The following VPS13D variants were observed in gnomAD, a reference collection of about 807,000 sequenced individuals.
VPS13D encodes the protein intermembrane lipid transfer protein VPS13D.
In VPS13D, 187 loss-of-function variants were observed where a neutral mutation model predicts 461.9. The ratio of observed to expected loss-of-function variants is 0.40; its 90% CI spans 0.36 to 0.46. VPS13D has a LOEUF of 0.46. Ranked by LOEUF, VPS13D falls within the 20% of genes least tolerant of loss-of-function variation. The probability of loss-of-function intolerance (pLI) is 0.60; values close to 1 mark genes in which losing one functional copy is unlikely to be tolerated. For synonymous variants in VPS13D, 1,951 were observed against 1,986.3 expected (o/e 0.98, Z 0.47); for missense variants, 4,711 against 5,364.9 (o/e 0.88, Z 3.81).
chr1:12,269,631 T>G (rs902705008), intron 16 of VPS13D, among the ~76,000 whole-genome samples: 34 of 152,252 alleles, frequency 2.2e-4, no homozygotes, highest in African/African-American at 8.0e-4. Flanking sequence ...ATGTAATCAC[T>G]GATTTATTTA....
chr1:12,489,510 T>C (rs1645847204), intron 67 of VPS13D, among the ~76,000 whole-genome samples: 1 of 152,202 alleles, frequency 6.6e-6, no homozygotes, highest in South Asian at 2.1e-4. Flanking sequence ...GTTATGCATG[T>C]ATGACTTGAG....
At position 12,383,107 on chromosome 1, in the gene VPS13D, A is replaced by G. The variant is rs1188687689; in HGVS notation, c.11322A>G (p.Gly3774=). The G allele has an allele frequency of 6.2e-7, 1 of 1,614,176 alleles. No homozygotes were observed. The highest frequency in any genetic ancestry group is 1.7e-5 in the Admixed American group (1 of 60,024). Residue 3774 remains glycine (G), a synonymous_variant, in exon 58 of 70, where the codon GGA becomes GGG. Coordinates refer to ENST00000620676, the MANE Select transcript of VPS13D (RefSeq NM_015378.4). ...ATCAAAAAATGAGACCTGGTTCTGG[A>G]ATGTTATCCATCAGAGTCATCCCAG... The part of the protein sequence containing the change: ...FINQKMRPGS[G]MLSIRVIPDG...
chr1:12,368,354 G>T, intron 52 of VPS13D, 114 bp from the exon 53 acceptor site: 1 of 1,260,906 alleles, frequency 7.9e-7, no homozygotes, highest in South Asian at 1.8e-5. Context: ...TGTAAGTTCA[G>T]TGGTATTGAC....
At chr1:12,493,183 TAAA>T (rs779968098) in intron 67 of VPS13D, among the ~76,000 whole-genome samples, 1 of 116,764 alleles carries the variant, frequency 8.6e-6, no homozygotes. Flanking sequence ...GACCAGTTAT[TAAA>T]AAAAAAAAAA....
chr1:12,365,816 A>G (rs1192781575), intron 52 of VPS13D, among the ~76,000 whole-genome samples: 4 of 152,216 alleles, frequency 2.6e-5, no homozygotes, highest in African/African-American at 9.6e-5. Context: ...CTTTATGGTC[A>G]GCTCTCTATT....
chr1:12,349,490 C>T (rs1228966790), intron 46 of VPS13D, 116 bp downstream of exon 46: 1 of 1,042,900 alleles, frequency 9.6e-7, no homozygotes, highest in African/African-American at 1.6e-5. Flanking sequence ...TATTTAAACT[C>T]TAAAGTTCTT....
intron 67 of VPS13D, among the ~76,000 whole-genome samples, chr1:12,496,817 C>T (rs1023196557): frequency 1.3e-5 from 2 of 152,208 alleles, no homozygotes; most frequent in African/African-American, 2.4e-5. Context: ...CTGAGTGGCC[C>T]GAGTTAGAGC....
At chr1:12,352,027 C>A (rs146245755) in intron 46 of VPS13D, among the ~76,000 whole-genome samples, 1 of 151,820 alleles carries the variant, frequency 6.6e-6, no homozygotes, top group Non-Finnish European at 1.5e-5. Context: ...CAGTGGCTCA[C>A]GGCTATAATC....
intron 64 of VPS13D, 71 bp from the exon 65 acceptor site, chr1:12,416,589 C>A: frequency 1.3e-6 from 2 of 1,496,416 alleles, no homozygotes; most frequent in African/African-American, 1.4e-5. Context: ...AAGCTCTTCG[C>A]TTGGGACACT....
At chr1:12,446,775 C>T (rs1645198084) in intron 65 of VPS13D, among the ~76,000 whole-genome samples, 1 of 152,210 alleles carries the variant, frequency 6.6e-6, no homozygotes, top group South Asian at 2.1e-4. Context: ...GGAGACCTCT[C>T]CTCCATAGGC....
At chr1:12,460,026 A>T (rs1394291428) in intron 66 of VPS13D, among the ~76,000 whole-genome samples, 175 bp from the exon 67 acceptor site, 4 of 145,088 alleles carry the variant, frequency 2.8e-5, no homozygotes, top group Non-Finnish European at 5.9e-5. Flanking sequence ...CTGACTCTGG[A>T]CTTAATGGGC....
chr1:12,395,054 T>A (rs1444485810), intron 60 of VPS13D, among the ~76,000 whole-genome samples: 1 of 152,152 alleles, frequency 6.6e-6, no homozygotes, highest in Admixed American at 6.5e-5. Context: ...CAACCTCACA[T>A]CTAGGGGCCT....
intron 30 of VPS13D, among the ~76,000 whole-genome samples, chr1:12,316,143 A>G (rs1247491457): frequency 6.6e-6 from 1 of 152,090 alleles, no homozygotes; most frequent in East Asian, 1.9e-4. Context: ...AGTTTACTTT[A>G]TTATTATTGA....
At chr1:12,272,454 G>A (rs1206469486) in intron 17 of VPS13D, among the ~76,000 whole-genome samples, 1 of 137,570 alleles carries the variant, frequency 7.3e-6, no homozygotes, top group Admixed American at 7.1e-5. Context: ...ATGACAATTA[G>A]TATTCTTGTA....
intron 59 of VPS13D, among the ~76,000 whole-genome samples, chr1:12,385,801 T>G (rs1644343186): frequency 6.6e-6 from 1 of 152,216 alleles, no homozygotes; most frequent in Non-Finnish European, 1.5e-5. Flanking sequence ...AAAAATCAAA[T>G]GCCTATGTGT....
intron 65 of VPS13D, among the ~76,000 whole-genome samples, chr1:12,447,772 C>G (rs991521848): frequency 2.6e-5 from 4 of 152,190 alleles, no homozygotes; most frequent in African/African-American, 7.2e-5. Flanking sequence ...GAAATAAATA[C>G]AAAGTACTTT....
intron 23 of VPS13D, among the ~76,000 whole-genome samples, chr1:12,292,895 G>A (rs1182621483): frequency 1.3e-5 from 2 of 152,060 alleles, no homozygotes; most frequent in African/African-American, 2.4e-5. Context: ...CATGAAGTCC[G>A]ATAATTAATG....
intron 54 of VPS13D, among the ~76,000 whole-genome samples, chr1:12,372,189 G>A (rs889270244): frequency 1.3e-5 from 2 of 152,090 alleles, no homozygotes; most frequent in African/African-American, 2.4e-5. Flanking sequence ...TCATAGCTGG[G>A]ACTACAGGTA....
intron 67 of VPS13D, among the ~76,000 whole-genome samples, chr1:12,493,482 C>CA (rs899634441): frequency 0.02 from 1,104 of 54,944 alleles, 11 homozygotes; most frequent in African/African-American, 0.057. Context: ...GACTCCATCT[C>CA]AAAAAAAAAA....
Sources: gnomAD v4.1 joint callset for allele counts (sites outside exome capture counted in the v4.1 genomes callset) on GRCh38, gnomAD v4.1.1 for gene constraint, MANE v1.5 for transcripts, NCBI Gene and HGNC (gene_info 2026-07-23, HGNC 2026-07-21) for gene names.